EFCAB14: variants seen among roughly 807,000 people sequenced by gnomAD.
The protein encoded by EFCAB14 is EF-hand calcium-binding domain-containing protein 14.
A neutral mutation model predicts 56.5 loss-of-function variants in EFCAB14; 43 were observed. That is an observed-to-expected ratio of 0.76 (90% CI 0.60 to 0.98). The LOEUF is 0.98. Ranked by LOEUF, EFCAB14 falls within the 50% of genes least tolerant of loss-of-function variation. The pLI is 0.00. For missense variants in EFCAB14, 538 were observed against 580.3 expected, an observed-to-expected ratio of 0.93 and a Z score of 0.75; for synonymous variants, 235 against 212.9, an observed-to-expected ratio of 1.10 and a Z score of -0.90.
At chr1:46,710,831 C>T (rs186433595) in intron 2 of EFCAB14, among the ~76,000 whole-genome samples, 56 of 152,250 alleles carry the variant, frequency 3.7e-4, no homozygotes, top group Non-Finnish European at 6.9e-4. Flanking sequence ...GGATTACAGG[C>T]GTGAGTTACC....
intron 7 of EFCAB14, among the ~76,000 whole-genome samples, chr1:46,687,876 G>A (rs1473519194): frequency 1.3e-5 from 2 of 152,104 alleles, no homozygotes; most frequent in Non-Finnish European, 2.9e-5. Flanking sequence ...CCTGACATAC[G>A]CAAAAGGTTC....
intron 5 of EFCAB14, among the ~76,000 whole-genome samples, 166 bp from the exon 6 acceptor site, chr1:46,689,857 TGA>T (rs1346609829): frequency 6.6e-6 from 1 of 152,224 alleles, no homozygotes; most frequent in African/African-American, 2.4e-5. Flanking sequence ...TGCTAGGTTC[TGA>T]GAGAACCCAG....
chr1:46,717,812 C>T, intron 1 of EFCAB14, 91 bp downstream of exon 1: 3 of 1,414,620 alleles, frequency 2.1e-6, no homozygotes, highest in South Asian at 1.4e-5. Context: ...TTTTTTCTTC[C>T]TAAGGACTTC....
chr1:46,686,490 A>G (rs1676883531), intron 8 of EFCAB14, among the ~76,000 whole-genome samples: 2 of 152,130 alleles, frequency 1.3e-5, no homozygotes, highest in African/African-American at 4.8e-5. Context: ...GACCTGTTCA[A>G]TTATGTGTTA....
Position 46,678,648 on chromosome 1 carries a change from G to A in EFCAB14, c.1313-12C>T, listed in dbSNP as rs1158114798. ...TAAATCCTGAAGATCTGTCAAAAAT[G>A]AATTACAAAAAATGTATACGTCTAA... is the stretch of plus-strand genomic sequence containing the variant. On this transcript the variant is annotated splice_polypyrimidine_tract_variant and intron_variant, in intron 10 of 10. Transcript: ENST00000371933. 4.4e-6 allele frequency: 7 copies of A among 1,598,122 alleles called. No homozygotes were observed. The highest frequency in any genetic ancestry group is 1.3e-5 in the African/African-American group (1 of 74,252).
intron 4 of EFCAB14, among the ~76,000 whole-genome samples, chr1:46,694,979 CA>C (rs1181852945): frequency 1.3e-5 from 2 of 149,402 alleles, no homozygotes; most frequent in African/African-American, 4.9e-5. Context: ...ATTGCAAGGA[CA>C]AAAAACCAAA....
rs1677390539 is a variant in EFCAB14 at position 46,716,290 on chromosome 1, C to T, written c.334+5G>A. ...AAAAAAAAAAGAGAGTAACCACTTA[C>T]TTACTTGTTCGAAATTTTTCCTTGA... On this transcript the variant is annotated splice_donor_5th_base_variant and intron_variant, in intron 2 of 10. Transcript: ENST00000371933. 1.6e-6 allele frequency: 2 copies of T among 1,254,512 alleles called. No individual in the cohort carries two copies. Among genetic ancestry groups the T allele is most frequent in the South Asian group, 2.4e-5 (2 of 82,162 alleles). 77.7% of individuals were successfully genotyped at this position (1,254,512 alleles called of 1,614,324 possible).
rs1676848124 is a variant in EFCAB14 at position 46,684,541 on chromosome 1, G to A, written c.1136C>T (p.Ala379Val). The change falls in exon 9 of 11, where the codon GCT (alanine) becomes GTT (valine). Residue 379 changes from alanine to valine, a missense_variant. Ala to Val is a moderately conservative substitution (Grantham distance 64). Coordinates refer to ENST00000371933, the MANE Select transcript of EFCAB14 (RefSeq NM_014774.3). ...KLREKLQLIS[A>V]LTNKPESNRP... is the part of the protein sequence containing the mutation. ...GTTGCTCTCAGGTTTGTTTGTAAGA[G>A]CACTGATCAGCTGGAGTTTCTCTCT... 2 of 1,614,098 alleles carry A rather than the reference G, an allele frequency of 1.2e-6. No homozygotes were observed.
intron 3 of EFCAB14, among the ~76,000 whole-genome samples, chr1:46,699,811 T>C (rs182576633): frequency 6.6e-6 from 1 of 152,320 alleles, no homozygotes; most frequent in Admixed American, 6.5e-5. Flanking sequence ...GTAACTTGCT[T>C]CTACAGAAGA....
chr1:46,693,204 G>T (rs1677026894), intron 4 of EFCAB14, among the ~76,000 whole-genome samples: 1 of 152,168 alleles, frequency 6.6e-6, no homozygotes, highest in Non-Finnish European at 1.5e-5. Flanking sequence ...CAGAAGCCAT[G>T]TTTTAAAAAA....
chr1:46,711,865 C>T (rs1201224264), intron 2 of EFCAB14, among the ~76,000 whole-genome samples: 1 of 151,956 alleles, frequency 6.6e-6, no homozygotes, highest in African/African-American at 2.4e-5. Context: ...GTTATTAAGC[C>T]CCCACCATGT....
chr1:46,696,235 G>A (rs1001299181), intron 4 of EFCAB14, among the ~76,000 whole-genome samples: 3 of 151,682 alleles, frequency 2.0e-5, no homozygotes, highest in Non-Finnish European at 4.4e-5. Context: ...GCTGAAAAGC[G>A]AACCCATATA....
chr1:46,686,999 A>AGG, intron 7 of EFCAB14, 129 bp from the exon 8 acceptor site: 1 of 829,998 alleles, frequency 1.2e-6, no homozygotes, highest in Non-Finnish European at 1.9e-6. Context: ...TCTCAACAGA[A>AGG]ATTGCAGAGG....
rs1157179876 is a variant in EFCAB14, at chr1:46,684,592, C to T, written c.1085G>A (p.Ser362Asn). Residue 362 changes from serine to asparagine, a missense_variant, in exon 9 of 11, where the codon AGT becomes AAT. Transcript: ENST00000371933. ...TAGCTTGGATACCTGAGAATTTGAACTATCTTCTTTCTGCACAAAACAAAG... is the reference window on the plus strand; with the variant it reads ...TAGCTTGGATACCTGAGAATTTGAATTATCTTCTTTCTGCACAAAACAAAG... ...VKIQSIKKED[S>N]SNSQVSKLRE... 1.9e-6 allele frequency: 3 copies of T among 1,613,810 alleles called. No homozygotes were observed. The highest frequency in any genetic ancestry group is 1.7e-5 in the Admixed American group (1 of 60,026).
intron 10 of EFCAB14, among the ~76,000 whole-genome samples, chr1:46,682,701 C>A (rs918340643): frequency 6.6e-6 from 1 of 152,170 alleles, no homozygotes; most frequent in Non-Finnish European, 1.5e-5. Context: ...AAAACATTAA[C>A]AGAAAGATAA....
At chr1:46,713,009 C>T (rs1677331195) in intron 2 of EFCAB14, among the ~76,000 whole-genome samples, 1 of 151,646 alleles carries the variant, frequency 6.6e-6, no homozygotes, top group Non-Finnish European at 1.5e-5. Context: ...AGCAAAACTC[C>T]ATCTCAAAAA....
In EFCAB14 at chr1:46,694,032, A is replaced by G. The variant is rs796787655; in HGVS notation, c.580-2095T>C. On this transcript the variant is annotated intron_variant, in intron 4 of 10. Transcript: ENST00000371933. Reference sequence around the variant, plus strand: ...GGAAAACTGGCTAGCCATATGTAGAAAGCTGAAACTGGATCCCTTCCTTAC... The same window carrying G: ...GGAAAACTGGCTAGCCATATGTAGAGAGCTGAAACTGGATCCCTTCCTTAC... Among the ~76,000 whole-genome samples the G allele has an allele frequency of 1.1e-4, 17 of 152,362 alleles. No homozygotes were observed. In the South Asian group the frequency reaches 2.7e-3, roughly 24 times the overall value.
chr1:46,676,871 G>GA lies in EFCAB14; in HGVS notation c.*1589dup, dbSNP rs111904441. 0.26 allele frequency: 37,882 copies of GA among 148,496 alleles called. 4,930 individuals carry two copies. Among genetic ancestry groups the GA allele is most frequent in the Admixed American group, 0.35 (5,236 of 14,960 alleles). 9.2% of individuals were successfully genotyped at this position (148,496 alleles called of 1,614,324 possible). On this transcript the variant is annotated 3_prime_UTR_variant, in exon 11 of 11. Coordinates refer to ENST00000371933, the MANE Select transcript of EFCAB14 (RefSeq NM_014774.3). Reference sequence around the variant, plus strand: ...AATACCAAGCTGAACATCATGTAAAGAAAAAAAAAACAGCCCTTAAATGTT... The same window carrying GA: ...AATACCAAGCTGAACATCATGTAAAGAAAAAAAAAAACAGCCCTTAAATGTT...
intron 8 of EFCAB14, chr1:46,686,568 A>G (rs1409749021): frequency 3.6e-6 from 2 of 553,978 alleles, no homozygotes; most frequent in Non-Finnish European, 6.4e-6. Context: ...CTTGCTCACT[A>G]TGGTCCCCCC....
Sources: gnomAD v4.1 joint callset for allele counts (sites outside exome capture counted in the v4.1 genomes callset) on GRCh38, gnomAD v4.1.1 for gene constraint, MANE v1.5 for transcripts, NCBI Gene and HGNC (gene_info 2026-07-23, HGNC 2026-07-21) for gene names.